Variants in MTUS2 observed in about 807,000 individuals in gnomAD.
MTUS2 encodes microtubule-associated tumor suppressor candidate 2.
Under a neutral mutation model 114.1 loss-of-function variants are expected in MTUS2, and 40 were observed. That is an observed-to-expected ratio of 0.35 (90% CI 0.27 to 0.46). The LOEUF (loss-of-function observed/expected upper bound fraction) is 0.46. Ranked by LOEUF, MTUS2 falls within the 20% of genes least tolerant of loss-of-function variation. The probability of loss-of-function intolerance (pLI) is 1.00; values close to 1 mark genes in which losing one functional copy is unlikely to be tolerated. For synonymous variants in MTUS2, 688 were observed against 672.0 expected, an observed-to-expected ratio of 1.02 and a Z score of -0.37; for missense variants, 1,679 against 1,705.4, an observed-to-expected ratio of 0.98 and a Z score of 0.27.
intron 10 of MTUS2, among the ~76,000 whole-genome samples, chr13:29,483,366 A>G (rs924158319): frequency 1.3e-5 from 2 of 152,240 alleles, no homozygotes; most frequent in Non-Finnish European, 1.5e-5. Flanking sequence ...AAAGCCAGCC[A>G]GAGCTGCTTC....
At chr13:29,083,583 C>G (rs1336918207) in intron 4 of MTUS2, among the ~76,000 whole-genome samples, 1 of 152,130 alleles carries the variant, frequency 6.6e-6, no homozygotes, top group Non-Finnish European at 1.5e-5. Flanking sequence ...AATATAATGT[C>G]TGGGGGCCTT....
intron 2 of MTUS2, among the ~76,000 whole-genome samples, chr13:28,910,562 C>T (rs1412766865): frequency 1.3e-5 from 2 of 151,944 alleles, no homozygotes; most frequent in Non-Finnish European, 2.9e-5. Context: ...CCAGCAGGCC[C>T]CAGTTTGTGT....
At chr13:29,053,266 C>T (rs778658146) in intron 4 of MTUS2, among the ~76,000 whole-genome samples, 6 of 152,170 alleles carry the variant, frequency 3.9e-5, no homozygotes, top group East Asian at 3.9e-4. Flanking sequence ...CAGATAAGGA[C>T]GTTGCTTTAC....
chr13:28,896,606 C>G (rs1392835477), intron 2 of MTUS2, among the ~76,000 whole-genome samples: 1 of 152,146 alleles, frequency 6.6e-6, no homozygotes, highest in Non-Finnish European at 1.5e-5. Context: ...CAATCCTAAG[C>G]CAAAAGAACA....
intron 5 of MTUS2, among the ~76,000 whole-genome samples, chr13:29,141,116 T>C (rs776057042): frequency 1.3e-5 from 2 of 152,228 alleles, no homozygotes; most frequent in Non-Finnish European, 2.9e-5. Context: ...ATTACATTAA[T>C]ACCAAACTTT....
intron 5 of MTUS2, among the ~76,000 whole-genome samples, chr13:29,178,739 A>G (rs993782691): frequency 6.6e-6 from 1 of 152,116 alleles, no homozygotes; most frequent in African/African-American, 2.4e-5. Context: ...TAATTTATAT[A>G]TGTAGATTTT....
chr13:29,364,850 A>G (rs941236376), intron 8 of MTUS2, among the ~76,000 whole-genome samples: 3 of 152,226 alleles, frequency 2.0e-5, no homozygotes, highest in Non-Finnish European at 4.4e-5. Flanking sequence ...TCATTTAAAC[A>G]TAGTGTTTTG....
At chr13:29,017,257 T>C (rs892975277) in intron 2 of MTUS2, among the ~76,000 whole-genome samples, 26 of 152,250 alleles carry the variant, frequency 1.7e-4, no homozygotes, top group African/African-American at 5.8e-4. Flanking sequence ...TGGGTTCATA[T>C]TCTGTTCATT....
chr13:29,169,793 A>G (rs142184921), intron 5 of MTUS2, among the ~76,000 whole-genome samples: 2,542 of 152,268 alleles, frequency 0.017, 28 homozygotes, highest in Non-Finnish European at 0.027. Flanking sequence ...CTTACTGCAT[A>G]AGGGCCGTGC....
chr13:28,921,523 C>T (rs1012311783), intron 2 of MTUS2, among the ~76,000 whole-genome samples: 1 of 152,124 alleles, frequency 6.6e-6, no homozygotes, highest in African/African-American at 2.4e-5. Context: ...ACTTCCTTAG[C>T]CACTCTGTCT....
At chr13:29,282,859 C>A (rs1041893387) in intron 6 of MTUS2, among the ~76,000 whole-genome samples, 8 of 152,088 alleles carry the variant, frequency 5.3e-5, no homozygotes, top group African/African-American at 1.7e-4. Flanking sequence ...CATAGAAATA[C>A]CCTTGGCAAT....
intron 8 of MTUS2, among the ~76,000 whole-genome samples, chr13:29,412,013 A>G (rs1052407958): frequency 2.0e-5 from 3 of 152,158 alleles, no homozygotes; most frequent in Admixed American, 6.5e-5. Context: ...TTACATTGTC[A>G]TATTATGTAA....
In MTUS2 at chr13:29,359,566, T is replaced by A. The variant is rs922279782; in HGVS notation, c.3117+93T>A. On this transcript the variant is annotated intron_variant, in intron 8 of 15. Transcript: ENST00000612955. ...TGTTTGTGTATGTTGCTGTTTTGGG[T>A]TTGAGTTTTGATCAGAGTGGAGTTT... 5 of 1,393,388 alleles carry A rather than the reference T, an allele frequency of 3.6e-6. No homozygotes were observed. The African/African-American group carries it at 7.2e-5, about 20-fold the overall frequency. 86.3% of individuals were successfully genotyped at this position (1,393,388 alleles called of 1,614,324 possible).
At chr13:28,974,402 G>T (rs1228576587) in intron 2 of MTUS2, among the ~76,000 whole-genome samples, 2 of 152,196 alleles carry the variant, frequency 1.3e-5, no homozygotes, top group Non-Finnish European at 2.9e-5. Context: ...GTGAGCCACT[G>T]ATTTGAAATT....
chr13:29,381,054 G>GTA (rs796867844), intron 8 of MTUS2, among the ~76,000 whole-genome samples: 25 of 152,044 alleles, frequency 1.6e-4, no homozygotes, highest in African/African-American at 6.0e-4. Flanking sequence ...GGATGATGCT[G>GTA]TAGCAAGGGA....
At chr13:29,057,174 A>G (rs1888173825) in intron 4 of MTUS2, among the ~76,000 whole-genome samples, 1 of 151,820 alleles carries the variant, frequency 6.6e-6, no homozygotes, top group Admixed American at 6.6e-5. Flanking sequence ...GTTTGTTATG[A>G]TTTTGGTTTT....
At chr13:28,988,168 C>A (rs938269920) in intron 2 of MTUS2, among the ~76,000 whole-genome samples, 4 of 151,702 alleles carry the variant, frequency 2.6e-5, no homozygotes, top group Non-Finnish European at 5.9e-5. Context: ...GTGTAGGGAA[C>A]TTCTGTTTCT....
rs372208421 is a variant in MTUS2 at position 29,505,528 on chromosome 13, G to A, written c.*2322G>A. On this transcript the variant is annotated 3_prime_UTR_variant, in exon 16 of 16. Coordinates refer to ENST00000612955, the MANE Select transcript of MTUS2 (RefSeq NM_001033602.4). ...CCTCATCTGAGCCATCACCGCTCCC[G>A]AAACACATGGGGCGGCAGCTGCTGT... 72 of 223,688 alleles carry A rather than the reference G, an allele frequency of 3.2e-4. No homozygotes were observed. In the South Asian group the frequency reaches 6.7e-3, roughly 21 times the overall value. The allele number at this position is 223,688 out of a possible 1,614,324, so 13.9% of individuals were successfully genotyped here.
rs113242666 is a variant in MTUS2, at chr13:28,956,769, G to A, written c.-242-67688G>A. On this transcript the variant is annotated intron_variant, in intron 2 of 15. Coordinates refer to ENST00000612955, the MANE Select transcript of MTUS2 (RefSeq NM_001033602.4). Reference sequence around the variant, plus strand: ...TAAGCTGGTGGGAAGGAAGTGTGGCGGGGACAGAGGGAAGAAGGCTGCCCT... The same window carrying A: ...TAAGCTGGTGGGAAGGAAGTGTGGCAGGGACAGAGGGAAGAAGGCTGCCCT... Among the ~76,000 whole-genome samples the A allele has an allele frequency of 2.8e-3, 423 of 151,620 alleles. 2 individuals are homozygous for A. The highest frequency in any genetic ancestry group is 9.9e-3 in the African/African-American group (409 of 41,344).
Sources: gnomAD v4.1 joint callset for allele counts (sites outside exome capture counted in the v4.1 genomes callset) on GRCh38, gnomAD v4.1.1 for gene constraint, MANE v1.5 for transcripts, NCBI Gene and HGNC (gene_info 2026-07-23, HGNC 2026-07-21) for gene names.